Variants in BMPR1B observed in about 807,000 individuals in gnomAD.
BMPR1B encodes bone morphogenetic protein receptor type 1B, also known as bone morphogenetic protein receptor type-1B.
Under a neutral mutation model 59.1 loss-of-function variants are expected in BMPR1B, and 12 were observed. The ratio of observed to expected loss-of-function variants is 0.20; its 90% confidence interval spans 0.13 to 0.33. The LOEUF (loss-of-function observed/expected upper bound fraction) is 0.33, where lower values mean the gene tolerates loss of function less well. Ranked by LOEUF, BMPR1B falls within the 10% of genes least tolerant of loss-of-function variation. BMPR1B has a pLI of 1.00. For missense variants in BMPR1B, 550 were observed against 610.9 expected (o/e 0.90, Z 1.05); for synonymous variants, 237 against 207.3 (o/e 1.14, Z -1.23).
At chr4:94,850,853 G>A (rs1055886686) in intron 1 of BMPR1B, among the ~76,000 whole-genome samples, 21 of 151,938 alleles carry the variant, frequency 1.4e-4, no homozygotes, top group African/African-American at 4.8e-4. Flanking sequence ...GGTTCTTTTT[G>A]TTTCCTCTTG....
chr4:95,035,808 T>A lies in BMPR1B; in HGVS notation c.-18+39674T>A, dbSNP rs140272510. Among the ~76,000 whole-genome samples, 510 of 152,342 alleles carry A rather than the reference T, an allele frequency of 3.3e-3. 3 individuals carry two copies. The highest frequency in any genetic ancestry group is 0.012 in the African/African-American group (484 of 41,592). On this transcript the variant is annotated intron_variant, in intron 3 of 12. Transcript: ENST00000515059. ...GAATTTTAGGATTGTTTTTTCTAGTTCTGTGAAGAACGATGATGATATTTG... is the reference window on the plus strand; with the variant it reads ...GAATTTTAGGATTGTTTTTTCTAGTACTGTGAAGAACGATGATGATATTTG...
chr4:94,809,659 A>G (rs1217542641), intron 1 of BMPR1B, among the ~76,000 whole-genome samples: 1 of 152,226 alleles, frequency 6.6e-6, no homozygotes, highest in Non-Finnish European at 1.5e-5. Context: ...CCACCCCACC[A>G]AAGTGTAGAA....
intron 2 of BMPR1B, among the ~76,000 whole-genome samples, chr4:94,880,954 CTTT>C (rs1390815593): frequency 6.6e-6 from 1 of 152,094 alleles, no homozygotes; most frequent in Non-Finnish European, 1.5e-5. Flanking sequence ...TTTTAATCAA[CTTT>C]TAAAGTCAGA....
intron 10 of BMPR1B, among the ~76,000 whole-genome samples, chr4:95,140,582 T>C (rs1485612155): frequency 2.0e-5 from 3 of 152,146 alleles, no homozygotes; most frequent in Non-Finnish European, 4.4e-5. Flanking sequence ...CTGAGAATAA[T>C]GACAGCATCT....
At chr4:94,892,110 A>T (rs1190176557) in intron 2 of BMPR1B, among the ~76,000 whole-genome samples, 1 of 152,070 alleles carries the variant, frequency 6.6e-6, no homozygotes, top group Non-Finnish European at 1.5e-5. Context: ...GTAGTTTTTA[A>T]GTTTAATAAG....
intron 3 of BMPR1B, chr4:95,051,698 C>G (rs1424129884): frequency 3.9e-6 from 6 of 1,535,466 alleles, no homozygotes; most frequent in Middle Eastern, 1.7e-4. Context: ...TCTGCTGCTG[C>G]AATGGGTTGG....
intron 3 of BMPR1B, among the ~76,000 whole-genome samples, chr4:95,046,385 G>A (rs1298708316): frequency 2.0e-5 from 3 of 152,142 alleles, no homozygotes; most frequent in Non-Finnish European, 4.4e-5. Flanking sequence ...AGAGATTAGT[G>A]AGAGTTGTCA....
At chr4:94,780,618 G>A (rs913701774) in intron 1 of BMPR1B, among the ~76,000 whole-genome samples, 1 of 150,602 alleles carries the variant, frequency 6.6e-6, no homozygotes, top group Non-Finnish European at 1.5e-5. Flanking sequence ...AGTGCCTATA[G>A]CAGTATACAT....
At chr4:94,967,870 A>G (rs1472872534) in intron 2 of BMPR1B, among the ~76,000 whole-genome samples, 1 of 152,192 alleles carries the variant, frequency 6.6e-6, no homozygotes, top group Non-Finnish European at 1.5e-5. Context: ...AGAATACGCT[A>G]TTCATGTCAT....
At chr4:95,000,301 A>G (rs1722347160) in intron 3 of BMPR1B, among the ~76,000 whole-genome samples, 1 of 152,136 alleles carries the variant, frequency 6.6e-6, no homozygotes, top group Non-Finnish European at 1.5e-5. Flanking sequence ...AAAATTTGGT[A>G]ATCTTAATTG....
intron 10 of BMPR1B, among the ~76,000 whole-genome samples, chr4:95,136,507 C>T (rs1432973176): frequency 6.6e-6 from 1 of 152,136 alleles, no homozygotes; most frequent in Non-Finnish European, 1.5e-5. Flanking sequence ...CTTTGTACCT[C>T]TGGTAGAATT....
Position 95,149,832 on chromosome 4 carries a change from T to C in BMPR1B, c.1252+909T>C, listed in dbSNP as rs530730042. On this transcript the variant is annotated intron_variant, in intron 11 of 12. Coordinates refer to ENST00000515059, the MANE Select transcript of BMPR1B (RefSeq NM_001203.3). ...GTTCCTGCTATTTATCTGTGATGCC[T>C]TGGACAGGTTATAAACTTTTCTTTG... 2.0e-5 allele frequency among the ~76,000 whole-genome samples: 3 copies of C among 152,350 alleles called. No homozygotes were observed. The South Asian group carries it at 6.2e-4, about 32-fold the overall frequency.
chr4:95,081,901 G>A (rs1306934200), intron 3 of BMPR1B, among the ~76,000 whole-genome samples: 4 of 152,050 alleles, frequency 2.6e-5, no homozygotes, highest in Non-Finnish European at 4.4e-5. Context: ...AAAGAGTTTT[G>A]CAAAAACATA....
intron 6 of BMPR1B, among the ~76,000 whole-genome samples, chr4:95,120,703 CTCTCTCTCTCTCTT>C (rs1386065812): frequency 5.2e-5 from 7 of 135,448 alleles, no homozygotes; most frequent in South Asian, 4.4e-4. Flanking sequence ...TTCTCTCTTT[CTCTCTCTCTCTCTT>C]TCTCTCTCTC....
chr4:94,786,689 C>T (rs1402797535), intron 1 of BMPR1B, among the ~76,000 whole-genome samples: 2 of 151,556 alleles, frequency 1.3e-5, no homozygotes, highest in East Asian at 1.9e-4. Context: ...CAGGCACCCA[C>T]CACCATGCCT....
At chr4:95,091,012 G>C (rs1729937189) in intron 3 of BMPR1B, among the ~76,000 whole-genome samples, 1 of 152,064 alleles carries the variant, frequency 6.6e-6, no homozygotes, top group African/African-American at 2.4e-5. Context: ...CTAAATGTTT[G>C]TGTAGTTGAT....
intron 3 of BMPR1B, among the ~76,000 whole-genome samples, chr4:95,029,171 T>C (rs1487550282): frequency 6.6e-6 from 1 of 152,032 alleles, no homozygotes. Context: ...TATGTATACA[T>C]GTGCCATGCT....
intron 1 of BMPR1B, among the ~76,000 whole-genome samples, chr4:94,871,328 G>T (rs1726490311): frequency 6.6e-6 from 1 of 152,038 alleles, no homozygotes; most frequent in Admixed American, 6.6e-5. Flanking sequence ...GTAAAAATAT[G>T]GACATGTTTG....
At chr4:95,023,793 T>G (rs752379204) in intron 3 of BMPR1B, among the ~76,000 whole-genome samples, 1 of 152,182 alleles carries the variant, frequency 6.6e-6, no homozygotes, top group African/African-American at 2.4e-5. Context: ...TCATACCAAA[T>G]GTATGTTAAT....
Sources: gnomAD v4.1 joint callset for allele counts (sites outside exome capture counted in the v4.1 genomes callset) on GRCh38, gnomAD v4.1.1 for gene constraint, MANE v1.5 for transcripts, NCBI Gene and HGNC (gene_info 2026-07-23, HGNC 2026-07-21) for gene names.